Variants in IMMP2L observed in about 807,000 individuals in gnomAD.
The protein encoded by IMMP2L is inner mitochondrial membrane peptidase subunit 2.
Under a neutral mutation model 19.3 loss-of-function variants are expected in IMMP2L, and 18 were observed. The observed-to-expected ratio is 0.93, with a 90% confidence interval of 0.64 to 1.38. The LOEUF (loss-of-function observed/expected upper bound fraction) is 1.38, where lower values mean the gene tolerates loss of function less well. IMMP2L is among the 40% of genes most tolerant of loss of function. The probability of loss-of-function intolerance (pLI) is 0.00; values close to 1 mark genes in which losing one functional copy is unlikely to be tolerated. For synonymous variants in IMMP2L, 76 were observed against 73.0 expected (o/e 1.04, Z -0.21); for missense variants, 233 against 218.2 (o/e 1.07, Z -0.43).
At position 111,388,608 on chromosome 7, in the gene IMMP2L, A is replaced by G. The variant is rs563132120; in HGVS notation, c.239+98630T>C. Reference sequence around the variant, plus strand: ...GGTTTAATTGGACTTACAGTTCCACATGGCTGAGGAGGCCTCAGTATCATG... The same window carrying G: ...GGTTTAATTGGACTTACAGTTCCACGTGGCTGAGGAGGCCTCAGTATCATG... On this transcript the variant is annotated intron_variant, in intron 3 of 5. Coordinates refer to ENST00000405709, the MANE Select transcript of IMMP2L (RefSeq NM_032549.4). 2.1e-4 allele frequency among the ~76,000 whole-genome samples: 32 copies of G among 152,240 alleles called. 1 individual carries two copies. Among genetic ancestry groups the G allele is most frequent in the Non-Finnish European group, 3.7e-4 (25 of 68,006 alleles).
intron 3 of IMMP2L, among the ~76,000 whole-genome samples, chr7:111,135,893 C>A (rs1460311320): frequency 1.3e-5 from 2 of 152,088 alleles, no homozygotes; most frequent in African/African-American, 4.8e-5. Context: ...CATCAAAGAC[C>A]TCTTATCTCA....
At chr7:110,915,323 A>G (rs1813486028) in intron 4 of IMMP2L, among the ~76,000 whole-genome samples, 1 of 152,238 alleles carries the variant, frequency 6.6e-6, no homozygotes, top group South Asian at 2.1e-4. Flanking sequence ...AACATGAATG[A>G]ACCTGAAGGA....
At chr7:111,221,082 G>C (rs146069352) in intron 3 of IMMP2L, among the ~76,000 whole-genome samples, 4 of 152,100 alleles carry the variant, frequency 2.6e-5, no homozygotes, top group Middle Eastern at 3.4e-3. Context: ...CTGTTGCCTA[G>C]TCAAGTTGAC....
At chr7:111,124,200 T>C in intron 3 of IMMP2L, 1 of 1,613,930 alleles carries the variant, frequency 6.2e-7, no homozygotes, top group East Asian at 2.2e-5. Context: ...TCTATGTCCA[T>C]TCTGAGGGAA....
chr7:110,768,963 C>A lies in IMMP2L; in HGVS notation c.409-105242G>T, dbSNP rs570929666. Among the ~76,000 whole-genome samples the A allele has an allele frequency of 5.3e-5, 8 of 152,134 alleles. No individual in the cohort carries two copies. The South Asian group carries it at 1.7e-3, about 32-fold the overall frequency. On this transcript the variant is annotated intron_variant, in intron 5 of 5. Transcript: ENST00000405709. ...TTGATTGCTTACAGGGTAGAGATGG[C>A]TTAATGGAAACATGCACAGAATTAG...
At chr7:111,299,176 A>AAC (rs146609530) in intron 3 of IMMP2L, among the ~76,000 whole-genome samples, 5 of 152,188 alleles carry the variant, frequency 3.3e-5, no homozygotes, top group Non-Finnish European at 5.9e-5. Flanking sequence ...TACAGTTAAA[A>AAC]ACACACACAG....
At chr7:111,446,022 G>A (rs903815036) in intron 3 of IMMP2L, among the ~76,000 whole-genome samples, 69 of 152,164 alleles carry the variant, frequency 4.5e-4, no homozygotes, top group Middle Eastern at 3.4e-3. Flanking sequence ...GGCGCACCAC[G>A]AGACTGTATC....
chr7:110,861,098 T>TGTGTGAGA (rs780880935), intron 5 of IMMP2L, among the ~76,000 whole-genome samples: 40 of 141,710 alleles, frequency 2.8e-4, no homozygotes, highest in African/African-American at 8.9e-4. Context: ...TGTGTGTGTG[T>TGTGTGAGA]GAGAGAGAGA....
At chr7:110,984,414 T>A (rs1380918830) in intron 3 of IMMP2L, among the ~76,000 whole-genome samples, 3 of 152,030 alleles carry the variant, frequency 2.0e-5, no homozygotes, top group African/African-American at 7.2e-5. Flanking sequence ...ATGAATATTT[T>A]AAATACAGTG....
intron 1 of IMMP2L, among the ~76,000 whole-genome samples, chr7:111,555,878 G>A (rs140211370): frequency 2.6e-5 from 4 of 151,350 alleles, no homozygotes; most frequent in Non-Finnish European, 4.4e-5. Context: ...AAGTGTTGGC[G>A]AGGGTGGGAG....
rs546694378 is a variant in IMMP2L, at chr7:111,020,521, G to T, written c.240-56956C>A. On this transcript the variant is annotated intron_variant, in intron 3 of 5. Coordinates refer to ENST00000405709, the MANE Select transcript of IMMP2L (RefSeq NM_032549.4). ...TCACGCCTGTAATCCCAGCACTTTG[G>T]GATGCTGAGACAGGTGGATTGCTTG... Among the ~76,000 whole-genome samples, 479 of 152,300 alleles carry T rather than the reference G, an allele frequency of 3.1e-3. 1 individual carries two copies. Among genetic ancestry groups the T allele is most frequent in the Non-Finnish European group, 5.1e-3 (344 of 68,024 alleles).
At chr7:110,683,320 T>C (rs887175099) in intron 5 of IMMP2L, among the ~76,000 whole-genome samples, 28 of 152,122 alleles carry the variant, frequency 1.8e-4, no homozygotes, top group African/African-American at 6.8e-4. Context: ...ACATTTTGCT[T>C]TCAGAAGGGT....
intron 3 of IMMP2L, among the ~76,000 whole-genome samples, chr7:111,214,554 C>T (rs1299321185): frequency 2.8e-5 from 4 of 140,436 alleles, no homozygotes; most frequent in Non-Finnish European, 6.1e-5. Context: ...GGTTTCAACA[C>T]GTTGGCCAGG....
intron 5 of IMMP2L, among the ~76,000 whole-genome samples, chr7:110,698,799 C>G (rs1440743512): frequency 6.6e-6 from 1 of 152,200 alleles, no homozygotes; most frequent in Admixed American, 6.5e-5. Flanking sequence ...TTTGAGTCAT[C>G]ACTTGCAAGT....
In IMMP2L at chr7:110,728,013, T is replaced by C. The variant is rs6959091; in HGVS notation, c.409-64292A>G. On this transcript the variant is annotated intron_variant, in intron 5 of 5. Coordinates refer to ENST00000405709, the MANE Select transcript of IMMP2L (RefSeq NM_032549.4). This position sits in a 1 kb window ranked among gnomAD's most constrained non-coding sequence, Gnocchi z 4.6. ...CAGCACAGGAAGCTTGAGTCTGGCT[T>C]TGGAGCCAGTTTACCTGAGCTTGCC... 0.87 allele frequency among the ~76,000 whole-genome samples: 132,608 copies of C among 152,232 alleles called. 57,886 individuals are homozygous for C. The highest frequency in any genetic ancestry group is 0.91 in the Middle Eastern group (267 of 294).
At chr7:111,439,285 T>C (rs1837487823) in intron 3 of IMMP2L, among the ~76,000 whole-genome samples, 1 of 151,762 alleles carries the variant, frequency 6.6e-6, no homozygotes, top group Non-Finnish European at 1.5e-5. Flanking sequence ...AGTGGCCCAG[T>C]CTCAAGCTTC....
At position 111,419,550 on chromosome 7, in the gene IMMP2L, A is replaced by G. The variant is rs533078747; in HGVS notation, c.239+67688T>C. 4.0e-5 allele frequency among the ~76,000 whole-genome samples: 6 copies of G among 151,754 alleles called. 1 individual carries two copies. The highest frequency in any genetic ancestry group is 2.0e-4 in the Admixed American group (3 of 15,246). ...TTTGGAGAGGCTAATCAGAAACTCA[A>G]AAGAAGGCAATCATTTGTCTCTTAT... On this transcript the variant is annotated intron_variant, in intron 3 of 5. Transcript: ENST00000405709.
Position 111,487,320 on chromosome 7 carries a change from T to TC in IMMP2L, c.156dup (p.Ser53GlufsTer5), listed in dbSNP as rs764675061. 1.9e-6 allele frequency: 3 copies of TC among 1,606,102 alleles called. No individual in the cohort carries two copies. The highest frequency in any genetic ancestry group is 1.7e-5 in the Admixed American group (1 of 59,936). ...AAAAGCACCACATCAGATGACTGGC[T>TC]CCCCCCAGGATTCAAAGAAGGCTAG... is the stretch of plus-strand genomic sequence containing the variant. On this transcript the variant is annotated frameshift_variant, in exon 3 of 6. Coordinates refer to ENST00000405709, the MANE Select transcript of IMMP2L (RefSeq NM_032549.4). LOFTEE classifies it high-confidence loss of function.
intron 5 of IMMP2L, among the ~76,000 whole-genome samples, chr7:110,868,073 T>C (rs1283643943): frequency 2.6e-5 from 4 of 151,504 alleles, no homozygotes; most frequent in Non-Finnish European, 5.9e-5. Flanking sequence ...AAAAAGTTTT[T>C]ATCTGTAGCT....
Sources: gnomAD v4.1 joint callset for allele counts (sites outside exome capture counted in the v4.1 genomes callset) on GRCh38, gnomAD v4.1.1 for gene constraint, Gnocchi (gnomAD v3.1) non-coding constraint, MANE v1.5 for transcripts, NCBI Gene and HGNC (gene_info 2026-07-23, HGNC 2026-07-21) for gene names.